Variants in TMLHE observed in about 807,000 individuals in gnomAD.
TMLHE encodes trimethyllysine dioxygenase, mitochondrial.
TMLHE carries 18 observed loss-of-function variants against 25.7 expected under a neutral mutation model. That is an observed-to-expected ratio of 0.70 (90% CI 0.48 to 1.04). The LOEUF is 1.04. TMLHE is among the 50% of genes least tolerant of loss of function. The probability of loss-of-function intolerance (pLI) is 0.00; values close to 1 mark genes in which losing one functional copy is unlikely to be tolerated. For synonymous variants in TMLHE, 105 were observed against 97.0 expected (o/e 1.08, Z -0.49); for missense variants, 236 against 259.0 (o/e 0.91, Z 0.61).
rs142107266 is a variant in TMLHE at position 155,532,215 on chromosome X, A to G, written c.182-7583T>C. The stretch of plus-strand genomic sequence containing the variant: ...AACAAGAAAAGATCATGAGATATGT[A>G]TAGAAACAGAAGGGTTACCTACACA... On this transcript the variant is annotated intron_variant, in intron 2 of 7. Coordinates refer to ENST00000334398, the MANE Select transcript of TMLHE (RefSeq NM_018196.4). Among the ~76,000 whole-genome samples the G allele has an allele frequency of 9.1e-3, 1,017 of 112,369 alleles. 9 individuals are homozygous for G. The highest frequency in any genetic ancestry group is 0.069 in the South Asian group (185 of 2,678).
At chrX:155,534,961 G>A (rs1356594146) in intron 2 of TMLHE, among the ~76,000 whole-genome samples, 2 of 111,636 alleles carry the variant, frequency 1.8e-5, no homozygotes, top group African/African-American at 6.5e-5. Flanking sequence ...CTTATAACAA[G>A]GGACAGGAGA....
intron 1 of TMLHE, among the ~76,000 whole-genome samples, chrX:155,562,563 G>T (rs782708128): frequency 1.6e-5 from 1 of 61,858 alleles, no homozygotes; most frequent in African/African-American, 3.6e-5. Context: ...CAGAAAATGG[G>T]TTTTTTGGTT....
intron 1 of TMLHE, among the ~76,000 whole-genome samples, chrX:155,555,871 T>A (rs1255277379): frequency 9.1e-6 from 1 of 110,120 alleles, no homozygotes; most frequent in East Asian, 2.8e-4. Flanking sequence ...GCTCTTTAGT[T>A]TAATTAGATC....
intron 4 of TMLHE, among the ~76,000 whole-genome samples, chrX:155,512,035 T>C (rs1301352171): frequency 1.8e-5 from 2 of 111,421 alleles, no homozygotes; most frequent in African/African-American, 6.5e-5. Flanking sequence ...TTATGAAAGC[T>C]TGGAGAATCA....
At chrX:155,533,440 A>G (rs970502968) in intron 2 of TMLHE, among the ~76,000 whole-genome samples, 1 of 112,052 alleles carries the variant, frequency 8.9e-6, no homozygotes, top group South Asian at 3.7e-4. Context: ...TCTCTGGAGA[A>G]CACTGACTAA....
At chrX:155,527,667 GA>G (rs1345647149) in intron 2 of TMLHE, among the ~76,000 whole-genome samples, 1 of 111,101 alleles carries the variant, frequency 9.0e-6, no homozygotes, top group Non-Finnish European at 1.9e-5. Flanking sequence ...CAAAAGAAAA[GA>G]AAAAAATAAG....
chrX:155,579,728 A>G (rs1264908697), intron 1 of TMLHE, among the ~76,000 whole-genome samples: 1 of 111,091 alleles, frequency 9.0e-6, no homozygotes, highest in Non-Finnish European at 1.9e-5. Flanking sequence ...CCATCTTTAT[A>G]GGACATCATT....
intron 2 of TMLHE, among the ~76,000 whole-genome samples, chrX:155,540,688 T>C (rs1479746166): frequency 9.0e-6 from 1 of 111,718 alleles, no homozygotes; most frequent in Non-Finnish European, 1.9e-5. Context: ...AAAACAAAAG[T>C]AACAAATAAT....
At chrX:155,590,403 A>G (rs1354594302) in intron 1 of TMLHE, among the ~76,000 whole-genome samples, 4 of 112,277 alleles carry the variant, frequency 3.6e-5, no homozygotes, top group Non-Finnish European at 7.5e-5. Context: ...TAAATGATAA[A>G]TATATAAATT....
At chrX:155,554,431 T>C (rs1421366984) in intron 1 of TMLHE, among the ~76,000 whole-genome samples, 1 of 111,263 alleles carries the variant, frequency 9.0e-6, no homozygotes, top group Non-Finnish European at 1.9e-5. Flanking sequence ...TGACAGTTAA[T>C]TTTGTCAGCA....
At chrX:155,542,248 C>A (rs2067317485) in intron 2 of TMLHE, among the ~76,000 whole-genome samples, 1 of 111,575 alleles carries the variant, frequency 9.0e-6, no homozygotes, top group African/African-American at 3.3e-5. Flanking sequence ...GATCCAGTTT[C>A]AGCCTTCTGC....
chrX:155,595,167 A>T (rs2067714156), intron 1 of TMLHE, among the ~76,000 whole-genome samples: 2 of 112,068 alleles, frequency 1.8e-5, no homozygotes, highest in African/African-American at 6.5e-5. Flanking sequence ...AAATGTAAAC[A>T]AATATAAAGA....
chrX:155,526,642 C>A (rs781862215), intron 2 of TMLHE, among the ~76,000 whole-genome samples: 3 of 112,352 alleles, frequency 2.7e-5, no homozygotes, highest in Admixed American at 9.3e-5. Flanking sequence ...TTGCACTGTG[C>A]ACCTGGAAAA....
intron 1 of TMLHE, among the ~76,000 whole-genome samples, chrX:155,560,146 T>C (rs2067485390): frequency 8.9e-6 from 1 of 112,204 alleles, no homozygotes; most frequent in African/African-American, 3.2e-5. Context: ...GGGCGTTACA[T>C]AATCTATCTT....
rs139644121 is a variant in TMLHE at position 155,599,074 on chromosome X, A to G, written c.-2+13718T>C. 3.5e-3 allele frequency among the ~76,000 whole-genome samples: 395 copies of G among 111,575 alleles called. 2 individuals are homozygous for G. The highest frequency in any genetic ancestry group is 5.6e-3 in the Non-Finnish European group (296 of 53,178). ...GAATACAGTATATAATATGTATAAC[A>G]TAAAAAGTATGTGTTAATTGACTGT... is the stretch of plus-strand genomic sequence containing the variant. On this transcript the variant is annotated intron_variant, in intron 1 of 7. Transcript: ENST00000334398.
At chrX:155,531,426 TGAA>T (rs782465431) in intron 2 of TMLHE, among the ~76,000 whole-genome samples, 11 of 109,197 alleles carry the variant, frequency 1.0e-4, no homozygotes, top group Non-Finnish European at 1.3e-4. Context: ...CAAGAGAGAG[TGAA>T]GAAGTGCCAG....
chrX:155,557,209 G>T (rs1205513377), intron 1 of TMLHE, among the ~76,000 whole-genome samples: 7 of 112,305 alleles, frequency 6.2e-5, no homozygotes, highest in African/African-American at 2.3e-4. Context: ...CAAGGGTATT[G>T]ATTGGGGAAG....
chrX:155,531,187 C>A (rs1280425913), intron 2 of TMLHE, among the ~76,000 whole-genome samples: 5 of 111,913 alleles, frequency 4.5e-5, no homozygotes, highest in Non-Finnish European at 9.4e-5. Context: ...ATGAGAATGA[C>A]AGAAAGTAAA....
chrX:155,590,045 C>T (rs190569328), intron 1 of TMLHE, among the ~76,000 whole-genome samples: 347 of 111,865 alleles, frequency 3.1e-3, no homozygotes, highest in African/African-American at 0.011. Flanking sequence ...ACTAGTAGAA[C>T]TCCTGTACAA....
Sources: allele counts gnomAD v4.1 joint callset (sites outside exome capture counted in the v4.1 genomes callset), GRCh38; gene constraint gnomAD v4.1.1; transcripts MANE v1.5; gene names NCBI Gene and HGNC (gene_info 2026-07-23, HGNC 2026-07-21).